Variants in FSIP2 observed in about 807,000 individuals in gnomAD.
The protein encoded by FSIP2 is fibrous sheath interacting protein 2.
FSIP2 carries 367 observed loss-of-function variants against 510.5 expected under a neutral mutation model. The ratio of observed to expected loss-of-function variants is 0.72; its 90% CI spans 0.66 to 0.78. The LOEUF is 0.78. FSIP2 is among the 30% of genes least tolerant of loss of function. The pLI is 0.00. For synonymous variants in FSIP2, 2,601 were observed against 2,732.2 expected (o/e 0.95, Z 1.50); for missense variants, 7,594 against 7,901.7 (o/e 0.96, Z 1.48).
At chr2:185,819,642 T>G (rs766586812) in intron 19 of FSIP2, among the ~76,000 whole-genome samples, 7 of 149,298 alleles carry the variant, frequency 4.7e-5, no homozygotes, top group Non-Finnish European at 7.4e-5. Flanking sequence ...TGACTTACAA[T>G]TTTTTTAACT....
In FSIP2 at chr2:185,803,714, C is replaced by G. The variant is rs972625374; in HGVS notation, c.14408C>G (p.Ser4803Cys). ...HLEKIVTQLTSQISPLNTSAE... is the reference protein window; with the variant it reads ...HLEKIVTQLTCQISPLNTSAE... ...GAAAAAATAGTTACTCAGCTTACATCTCAGATAAGTCCATTGAACACCAGT... is the reference window on the plus strand; with the variant it reads ...GAAAAAATAGTTACTCAGCTTACATGTCAGATAAGTCCATTGAACACCAGT... Residue 4803 changes from serine to cysteine, a missense_variant, in exon 17 of 23, where the codon TCT (serine) becomes TGT (cysteine). Transcript: ENST00000424728. The G allele has an allele frequency of 1.3e-6, 2 of 1,532,644 alleles. No homozygotes were observed. The highest frequency in any genetic ancestry group is 2.7e-5 in the African/African-American group (2 of 72,822). 94.9% of individuals were successfully genotyped at this position (1,532,644 alleles called of 1,614,324 possible). A position where few individuals can be genotyped will look rare whatever the true frequency, so the allele number is the denominator to read the frequency against.
At chr2:185,819,769 G>A (rs1693882201) in intron 19 of FSIP2, among the ~76,000 whole-genome samples, 1 of 151,752 alleles carries the variant, frequency 6.6e-6, no homozygotes, top group South Asian at 2.1e-4. Flanking sequence ...TGTGTTCTGA[G>A]CACATTTAAG....
At position 185,802,409 on chromosome 2, in the gene FSIP2, A is replaced by G. The variant is rs1357995886; in HGVS notation, c.13103A>G (p.Asp4368Gly). The G allele has an allele frequency of 8.5e-6, 13 of 1,533,584 alleles. No individual in the cohort carries two copies. The highest frequency in any genetic ancestry group is 1.0e-5 in the Non-Finnish European group (12 of 1,145,420). 95.0% of individuals were successfully genotyped at this position (1,533,584 alleles called of 1,614,324 possible). The change falls in exon 17 of 23, where the codon GAT becomes GGT. Residue 4368 changes from aspartate (D) to glycine (G), a missense_variant. Asp to Gly is a moderately conservative substitution (Grantham distance 94). Transcript: ENST00000424728. ...KEQAFFSFNT[D>G]IVDELATSVY... ...CAGGCTTTCTTTTCTTTCAATACAG[A>G]TATTGTGGATGAACTTGCCACCTCA...
rs1693617105 is a variant in FSIP2, at chr2:185,807,610, A to G, written c.18304A>G (p.Ile6102Val). Residue 6102 changes from isoleucine to valine, a missense_variant, in exon 17 of 23, where the codon ATA (isoleucine) becomes GTA (valine). By Grantham distance (29) the Ile-to-Val change is conservative. Transcript: ENST00000424728. ...GCCACAGTTTGGATCACAAGAGATT[A>G]TACAAAATTGTGTAACCAGTGGATG... ...LLPQFGSQEI[I>V]QNCVTSGCKI... 6.2e-7 allele frequency: 1 copy of G among 1,612,864 alleles called. No individual in the cohort carries two copies. Among genetic ancestry groups the G allele is most frequent in the African/African-American group, 1.3e-5 (1 of 74,858 alleles).
Position 185,795,524 on chromosome 2 carries a change from C to G in FSIP2, c.8388C>G (p.Ser2796=). 1 of 1,534,678 alleles carries G rather than the reference C, an allele frequency of 6.5e-7. No individual in the cohort carries two copies. The highest frequency in any genetic ancestry group is 1.2e-5 in the South Asian group (1 of 83,964). Residue 2796 remains serine, a synonymous_variant, in exon 16 of 23, where the codon TCC becomes TCG. Coordinates refer to ENST00000424728, the MANE Select transcript of FSIP2 (RefSeq NM_173651.4). ...GCAATTTGGCTTACCCGATGAAATC[C>G]TCACATCTCAGACTTTCACAGGGGA... ...NNCNLAYPMK[S]SHLRLSQGNI...
chr2:185,763,160 A>T, intron 11 of FSIP2, 23 bp from the exon 12 acceptor site: 1 of 1,022,698 alleles, frequency 9.8e-7, no homozygotes, highest in Non-Finnish European at 1.5e-6. Context: ...TCTCATATTT[A>T]AAGTTATCTC....
Position 185,806,171 on chromosome 2 carries a change from A to G in FSIP2, c.16865A>G (p.Lys5622Arg), listed in dbSNP as rs369142741. 6.3e-7 allele frequency: 1 copy of G among 1,583,966 alleles called. No homozygotes were observed. The highest frequency in any genetic ancestry group is 8.5e-7 in the Non-Finnish European group (1 of 1,170,760). ...IDNARESSFK[K>R]DDKLFQLSSL... is the part of the protein sequence containing the mutation. ...AATGCAAGGGAAAGCTCATTTAAAA[A>G]AGATGACAAGCTCTTTCAGTTATCC... is the stretch of plus-strand genomic sequence containing the variant. The change falls in exon 17 of 23, where the codon AAA becomes AGA. Residue 5622 changes from lysine (K) to arginine (R), a missense_variant. Physicochemically the swap from Lys to Arg is conservative, Grantham distance 26. Transcript: ENST00000424728.
rs764423764 is a variant in FSIP2, at chr2:185,807,900, TAAAG to T, written c.18601_18604del (p.Arg6201GlnfsTer4). On this transcript the variant is annotated frameshift_variant, in exon 17 of 23. Transcript: ENST00000424728. LOFTEE classifies it high-confidence loss of function. ...TTTTATCTATATTTCCAAAAGTACA[TAAAG>T]AAAGAACAAAATCTCTAGAGACTGA... 15 of 1,602,304 alleles carry T rather than the reference TAAAG, an allele frequency of 9.4e-6. No individual in the cohort carries two copies. The highest frequency in any genetic ancestry group is 2.3e-5 in the South Asian group (2 of 88,682).
intron 18 of FSIP2, 99 bp from the exon 19 acceptor site, chr2:185,815,272 T>C (rs2105669415): frequency 3.1e-6 from 2 of 635,770 alleles, no homozygotes; most frequent in East Asian, 6.0e-5. Flanking sequence ...CTGGAACTTT[T>C]TTCCATTAAA....
intron 6 of FSIP2, 94 bp downstream of exon 6, chr2:185,746,904 T>C (rs1003866438): frequency 1.3e-4 from 109 of 825,442 alleles, no homozygotes; most frequent in Non-Finnish European, 1.6e-4. Context: ...CTGCTTGAAG[T>C]CATTTCAGTT....
intron 7 of FSIP2, among the ~76,000 whole-genome samples, chr2:185,750,522 G>A (rs897516484): frequency 6.7e-6 from 1 of 149,612 alleles, no homozygotes; most frequent in African/African-American, 2.4e-5. Flanking sequence ...GTCCTGGCTA[G>A]AGTTGCTTTT....
intron 13 of FSIP2, among the ~76,000 whole-genome samples, chr2:185,775,923 A>G (rs563421257): frequency 7.2e-5 from 11 of 152,268 alleles, no homozygotes; most frequent in African/African-American, 2.6e-4. Flanking sequence ...TTTGCCTTCT[A>G]AAGTGTTGGG....
intron 2 of FSIP2, among the ~76,000 whole-genome samples, chr2:185,742,692 A>G (rs1217898342): frequency 2.0e-5 from 3 of 152,140 alleles, no homozygotes; most frequent in Non-Finnish European, 2.9e-5. Context: ...ACATTTTGTT[A>G]TTTTTGTTCA....
At chr2:185,818,499 C>T (rs1347985418) in intron 19 of FSIP2, among the ~76,000 whole-genome samples, 1 of 151,738 alleles carries the variant, frequency 6.6e-6, no homozygotes, top group African/African-American at 2.4e-5. Context: ...AGAATGAACA[C>T]AAAAATATCA....
intron 13 of FSIP2, among the ~76,000 whole-genome samples, chr2:185,770,588 C>T (rs1462384657): frequency 6.6e-6 from 1 of 152,064 alleles, no homozygotes. Flanking sequence ...TTCCCATGAC[C>T]AAAGCACCTC....
rs747014520 is a variant in FSIP2, at chr2:185,789,951, G to A, written c.2815G>A (p.Glu939Lys). ...AACCGTAGTACTCCTTCAGCTACTTGAGGACATCCTTTTTCAGCTCCATCA... is the reference window on the plus strand; with the variant it reads ...AACCGTAGTACTCCTTCAGCTACTTAAGGACATCCTTTTTCAGCTCCATCA... ...EETVVLLQLL[E>K]DILFQLHQEP... The change falls in exon 16 of 23, where the codon GAG becomes AAG. Residue 939 changes from glutamate to lysine, a missense_variant. Glu to Lys is a moderately conservative substitution (Grantham distance 56, BLOSUM62 1). Transcript: ENST00000424728. 7.8e-5 allele frequency: 119 copies of A among 1,534,166 alleles called. No homozygotes were observed. Among genetic ancestry groups the A allele is most frequent in the Non-Finnish European group, 1.0e-4 (114 of 1,145,688 alleles).
At position 185,795,139 on chromosome 2, in the gene FSIP2, C is replaced by A. The variant is rs578259671; in HGVS notation, c.8003C>A (p.Ser2668Ter). 1.4e-5 allele frequency: 22 copies of A among 1,534,744 alleles called. No individual in the cohort carries two copies. Among genetic ancestry groups the A allele is most frequent in the African/African-American group, 6.9e-5 (5 of 72,944 alleles). ...TTTAAAGCACATTTAAAAACAAGATCAAAAATTACCACTTTGCCTAAATTT... is the reference window on the plus strand; with the variant it reads ...TTTAAAGCACATTTAAAAACAAGATAAAAAATTACCACTTTGCCTAAATTT... ...PCFKAHLKTR[S>*]KITTLPKFTK... The change falls in exon 16 of 23, where the codon TCA (serine) becomes TAA (stop). Residue 2668 changes from serine to a stop codon, truncating the protein, a stop_gained. Coordinates refer to ENST00000424728, the MANE Select transcript of FSIP2 (RefSeq NM_173651.4). LOFTEE classifies it high-confidence loss of function.
In FSIP2 at chr2:185,789,455, A is replaced by G; in HGVS notation, c.2319A>G (p.Lys773=). The G allele has an allele frequency of 6.5e-7, 1 of 1,534,684 alleles. No homozygotes were observed. The highest frequency in any genetic ancestry group is 1.2e-5 in the South Asian group (1 of 84,028). Residue 773 remains lysine, a synonymous_variant, in exon 16 of 23, where the codon AAA becomes AAG. Coordinates refer to ENST00000424728, the MANE Select transcript of FSIP2 (RefSeq NM_173651.4). ...LEKLESAVEK[K]CVEMFSQDLS... ...AGTTAGAGTCTGCAGTTGAGAAAAA[A>G]TGTGTTGAGATGTTTTCACAAGATT...
intron 13 of FSIP2, among the ~76,000 whole-genome samples, chr2:185,776,919 T>A (rs993757840): frequency 1.3e-5 from 2 of 152,142 alleles, no homozygotes; most frequent in Non-Finnish European, 2.9e-5. Flanking sequence ...AGACCAGGTT[T>A]CGCCATGTTG....
Sources: allele counts gnomAD v4.1 joint callset (sites outside exome capture counted in the v4.1 genomes callset), GRCh38; gene constraint gnomAD v4.1.1; transcripts MANE v1.5; gene names NCBI Gene and HGNC (gene_info 2026-07-23, HGNC 2026-07-21).